The following SCAF8 variants were observed in gnomAD, a reference collection of about 807,000 sequenced individuals.
SCAF8 encodes the protein SR-related and CTD-associated factor 8.
In SCAF8, 23 loss-of-function variants were observed where a neutral mutation model predicts 140.5. The observed-to-expected ratio is 0.16, with a 90% confidence interval of 0.12 to 0.23. SCAF8 has a LOEUF of 0.23. Ranked by LOEUF, SCAF8 falls within the 10% of genes least tolerant of loss-of-function variation. The pLI, the probability that SCAF8 is intolerant of heterozygous loss-of-function variation, is 1.00. For missense variants in SCAF8, 1,397 were observed against 1,555.7 expected (o/e 0.90, Z 1.72); for synonymous variants, 575 against 528.9 (o/e 1.09, Z -1.20).
At position 154,784,144 on chromosome 6, in the gene SCAF8, T is replaced by TAG. The variant is rs1562444166; in HGVS notation, c.160-3716_160-3715insGA. Among the ~76,000 whole-genome samples, 12 of 92,502 alleles carry TAG rather than the reference T, an allele frequency of 1.3e-4. No homozygotes were observed. In the East Asian group the frequency reaches 3.0e-3, roughly 24 times the overall value. The allele number at this position is 92,502 out of a possible 152,430, so 60.7% of individuals were successfully genotyped here. ...AGATATATATATATATATATATATA[T>TAG]ATATATATATATATTTATTTATTTA... On this transcript the variant is annotated intron_variant, in intron 3 of 19. Transcript: ENST00000367178.
intron 15 of SCAF8, chr6:154,822,015 G>A: frequency 3.3e-6 from 1 of 301,516 alleles, no homozygotes; most frequent in Non-Finnish European, 6.1e-6. Context: ...CATATCTATT[G>A]TATCTCTTCT....
chr6:154,831,849 T>G, intron 19 of SCAF8, 90 bp from the exon 20 acceptor site: 1 of 1,056,752 alleles, frequency 9.5e-7, no homozygotes, highest in East Asian at 2.5e-5. Flanking sequence ...GTACCTTGAT[T>G]ATTGGGGGAT....
At chr6:154,752,994 C>T (rs1778876474) in intron 1 of SCAF8, among the ~76,000 whole-genome samples, 1 of 151,660 alleles carries the variant, frequency 6.6e-6, no homozygotes, top group Non-Finnish European at 1.5e-5. Context: ...AAAAGGAGTA[C>T]AGTTTTGTTT....
chr6:154,799,612 T>G (rs1777710829), intron 6 of SCAF8, among the ~76,000 whole-genome samples: 1 of 151,274 alleles, frequency 6.6e-6, no homozygotes, highest in South Asian at 2.1e-4. Flanking sequence ...CTGTAACTTG[T>G]TCCATCCTTT....
chr6:154,815,872 C>A (rs1778233211), intron 13 of SCAF8, 56 bp downstream of exon 13: 2 of 989,828 alleles, frequency 2.0e-6, no homozygotes, highest in East Asian at 2.6e-5. Flanking sequence ...TTTATTAATA[C>A]AAAGAATCAC....
At chr6:154,819,090 T>A (rs1027123116) in intron 14 of SCAF8, among the ~76,000 whole-genome samples, 8 of 152,118 alleles carry the variant, frequency 5.3e-5, no homozygotes, top group Non-Finnish European at 1.0e-4. Context: ...AGAGTTTTTT[T>A]AATATCTTTC....
intron 6 of SCAF8, among the ~76,000 whole-genome samples, chr6:154,795,767 A>G (rs1777583385): frequency 1.3e-5 from 2 of 152,230 alleles, no homozygotes; most frequent in South Asian, 4.1e-4. Flanking sequence ...GGGAATCACA[A>G]AACATGTACG....
intron 5 of SCAF8, 61 bp downstream of exon 5, chr6:154,793,037 G>C (rs753104024): frequency 9.8e-5 from 130 of 1,326,042 alleles, no homozygotes; most frequent in Non-Finnish European, 1.3e-4. Context: ...TTGGATGACT[G>C]TTCATATAAA....
intron 12 of SCAF8, among the ~76,000 whole-genome samples, chr6:154,813,172 A>T (rs1778146262): frequency 2.0e-5 from 3 of 152,124 alleles, no homozygotes; most frequent in Admixed American, 6.5e-5. Context: ...GTGCCACTGC[A>T]CTCCAACCTG....
chr6:154,830,683 C>A (rs1778704728), intron 18 of SCAF8, among the ~76,000 whole-genome samples: 1 of 152,064 alleles, frequency 6.6e-6, no homozygotes, highest in African/African-American at 2.4e-5. Flanking sequence ...GAGTGCTGGT[C>A]CTAACATCTT....
chr6:154,787,858 C>T lies in SCAF8; in HGVS notation c.160-3C>T. The T allele has an allele frequency of 1.3e-6, 2 of 1,574,550 alleles. No individual in the cohort carries two copies. Among genetic ancestry groups the T allele is most frequent in the Non-Finnish European group, 8.6e-7 (1 of 1,161,946 alleles). On this transcript the variant is annotated splice_polypyrimidine_tract_variant and splice_region_variant and intron_variant, in intron 3 of 19. Transcript: ENST00000367178. The stretch of plus-strand genomic sequence containing the variant: ...TCCTTTTCATTCTTCTTTTTTTCAT[C>T]AGTGTAAACCAGAATACAAAGTACC...
At chr6:154,756,748 T>A (rs753073266) in intron 1 of SCAF8, among the ~76,000 whole-genome samples, 3 of 152,150 alleles carry the variant, frequency 2.0e-5, no homozygotes, top group Admixed American at 6.5e-5. Context: ...TTCTTTAAGC[T>A]GGGCGCGGTG....
At chr6:154,800,076 G>A (rs1375863731) in intron 6 of SCAF8, among the ~76,000 whole-genome samples, 2 of 151,262 alleles carry the variant, frequency 1.3e-5, no homozygotes, top group African/African-American at 4.8e-5. Context: ...ATGAGCCACC[G>A]CACCTGGCCG....
In SCAF8 at chr6:154,832,408, G is replaced by A; in HGVS notation, c.2829G>A (p.Gln943=). 6.2e-7 allele frequency: 1 copy of A among 1,614,048 alleles called. No homozygotes were observed. Among genetic ancestry groups the A allele is most frequent in the Admixed American group, 1.7e-5 (1 of 60,004 alleles). Residue 943 remains glutamine, a synonymous_variant, in exon 20 of 20, where the codon CAG becomes CAA. Coordinates refer to ENST00000367178, the MANE Select transcript of SCAF8 (RefSeq NM_014892.5). ...CTGGGCCAAGATTCCCTTTAATACA[G>A]CCTGGAATTCCACCCCAACGGGGAA... ...QAPGPRFPLI[Q]PGIPPQRGIP...
chr6:154,740,934 C>A (rs970429194), intron 1 of SCAF8, among the ~76,000 whole-genome samples: 3 of 152,068 alleles, frequency 2.0e-5, no homozygotes, highest in African/African-American at 7.2e-5. Flanking sequence ...GTAAAGATTT[C>A]TTGAATGAAT....
intron 1 of SCAF8, among the ~76,000 whole-genome samples, chr6:154,748,208 T>A (rs1013943518): frequency 3.3e-5 from 5 of 152,310 alleles, no homozygotes; most frequent in Admixed American, 2.6e-4. Flanking sequence ...CTGCACTAAT[T>A]GGCACAAACA....
intron 16 of SCAF8, among the ~76,000 whole-genome samples, chr6:154,822,691 C>A (rs992344816): frequency 6.6e-6 from 1 of 151,900 alleles, no homozygotes; most frequent in African/African-American, 2.4e-5. Context: ...TCTGAGGAGT[C>A]AAATTGATAG....
At chr6:154,770,301 AACACAC>A (rs139254863) in intron 1 of SCAF8, among the ~76,000 whole-genome samples, 6 of 151,032 alleles carry the variant, frequency 4.0e-5, no homozygotes, top group Admixed American at 1.3e-4. Context: ...AAAAAAAGAA[AACACAC>A]ACACACACAC....
intron 2 of SCAF8, among the ~76,000 whole-genome samples, chr6:154,775,617 C>CT (rs1280793333): frequency 3.9e-5 from 6 of 152,074 alleles, no homozygotes; most frequent in Admixed American, 2.6e-4. Flanking sequence ...AGTCAAGAGT[C>CT]TAACTCTTTG....
Sources: allele counts gnomAD v4.1 joint callset (sites outside exome capture counted in the v4.1 genomes callset), GRCh38; gene constraint gnomAD v4.1.1; transcripts MANE v1.5; gene names NCBI Gene and HGNC (gene_info 2026-07-23, HGNC 2026-07-21).